RELN: variants seen among roughly 807,000 people sequenced by gnomAD.
The protein encoded by RELN is reelin.
Under a neutral mutation model 427.6 loss-of-function variants are expected in RELN, and 108 were observed. That is an observed-to-expected ratio of 0.25 (90% CI 0.22 to 0.30). RELN has a LOEUF of 0.30. RELN is among the 10% of genes least tolerant of loss of function. The pLI is 1.00. For missense variants in RELN, 3,715 were observed against 4,302.8 expected, an observed-to-expected ratio of 0.86 and a Z score of 3.82; for synonymous variants, 1,524 against 1,513.4, an observed-to-expected ratio of 1.01 and a Z score of -0.16.
chr7:103,853,008 A>C (rs2116469067), intron 2 of RELN, among the ~76,000 whole-genome samples: 1 of 152,142 alleles, frequency 6.6e-6, no homozygotes, highest in Non-Finnish European at 1.5e-5. Flanking sequence ...TTTTATTAAA[A>C]TTCACACTCC....
At chr7:103,951,142 A>G (rs909760474) in intron 1 of RELN, among the ~76,000 whole-genome samples, 1 of 152,136 alleles carries the variant, frequency 6.6e-6, no homozygotes, top group African/African-American at 2.4e-5. Context: ...TGTTTTTTAA[A>G]TGAGTGGGTC....
intron 12 of RELN, among the ~76,000 whole-genome samples, chr7:103,655,337 G>A (rs1833002751): frequency 6.6e-6 from 1 of 151,900 alleles, no homozygotes; most frequent in South Asian, 2.1e-4. Context: ...TTTTATTACT[G>A]TCTTTCTAAA....
intron 28 of RELN, among the ~76,000 whole-genome samples, chr7:103,587,011 T>G (rs2117233146): frequency 6.6e-6 from 1 of 152,284 alleles, no homozygotes; most frequent in Admixed American, 6.5e-5. Flanking sequence ...ATGTCATTTT[T>G]CACAGAATTG....
At chr7:103,636,649 C>T (rs1282182091) in intron 17 of RELN, among the ~76,000 whole-genome samples, 181 bp from the exon 18 acceptor site, 4 of 152,058 alleles carry the variant, frequency 2.6e-5, no homozygotes, top group Admixed American at 2.6e-4. Context: ...TGTAAATATT[C>T]CAGACAAATA....
intron 1 of RELN, among the ~76,000 whole-genome samples, chr7:103,944,781 G>T (rs1237902624): frequency 6.6e-6 from 1 of 152,114 alleles, no homozygotes; most frequent in Non-Finnish European, 1.5e-5. Flanking sequence ...TTTGCAGACT[G>T]GGATGTAAGT....
At position 103,962,646 on chromosome 7, in the gene RELN, T is replaced by TTGTTGTTGTGTG. The variant is rs1187382987; in HGVS notation, c.226+26484_226+26485insCACACAACAACA. 8.7e-5 allele frequency among the ~76,000 whole-genome samples: 13 copies of TTGTTGTTGTGTG among 149,922 alleles called. No homozygotes were observed. In the East Asian group the frequency reaches 2.4e-3, roughly 27 times the overall value. On this transcript the variant is annotated intron_variant, in intron 1 of 64. Transcript: ENST00000428762. ...TGTTGGATTTTCCATTCCAAAGTTG[T>TTGTTGTTGTGTG]TGTGTGTGTGTGTGTGTGTGTGTGT...
chr7:103,976,654 C>T (rs1348797210), intron 1 of RELN, among the ~76,000 whole-genome samples: 1 of 152,152 alleles, frequency 6.6e-6, no homozygotes, highest in African/African-American at 2.4e-5. Context: ...GCTCCAGTAG[C>T]CATCCAAGTG....
At chr7:103,694,990 T>A (rs1475325168) in intron 10 of RELN, among the ~76,000 whole-genome samples, 2 of 151,948 alleles carry the variant, frequency 1.3e-5, no homozygotes, top group East Asian at 1.9e-4. Context: ...AATGAGTAGG[T>A]TGAACAAAAA....
chr7:103,902,135 A>T (rs896957251), intron 2 of RELN, among the ~76,000 whole-genome samples: 1 of 152,036 alleles, frequency 6.6e-6, no homozygotes, highest in African/African-American at 2.4e-5. Flanking sequence ...AGAAAGAAAC[A>T]GAGAGGCTAG....
Position 103,761,151 on chromosome 7 carries a change from T to C in RELN, c.545-7937A>G, listed in dbSNP as rs199790177. On this transcript the variant is annotated intron_variant, in intron 4 of 64. Transcript: ENST00000428762. The stretch of plus-strand genomic sequence containing the variant: ...CAACTTGATTTATGTCTCAAAACAA[T>C]TTATCATCTTTCATATTCTAATATA... Among the ~76,000 whole-genome samples, 5 of 152,338 alleles carry C rather than the reference T, an allele frequency of 3.3e-5. No homozygotes were observed. In the East Asian group the frequency reaches 9.6e-4, roughly 29 times the overall value.
chr7:103,755,230 C>T (rs913529200), intron 4 of RELN, among the ~76,000 whole-genome samples: 2 of 151,312 alleles, frequency 1.3e-5, no homozygotes, highest in African/African-American at 4.9e-5. Flanking sequence ...CTGAGGTGGG[C>T]GGATCACGAG....
In RELN at chr7:103,968,657, C is replaced by A. The variant is rs1157489696; in HGVS notation, c.226+20474G>T. Reference sequence around the variant, plus strand: ...TCTTTTCACTAAGCTATTTCTGCAACTTATTTGCAACTAAAGAAAAGAGGC... The same window carrying A: ...TCTTTTCACTAAGCTATTTCTGCAAATTATTTGCAACTAAAGAAAAGAGGC... On this transcript the variant is annotated intron_variant, in intron 1 of 64. Coordinates refer to ENST00000428762, the MANE Select transcript of RELN (RefSeq NM_005045.4). The surrounding 1 kb of genome is among the most constrained non-coding windows in gnomAD (Gnocchi z 4.3). Among the ~76,000 whole-genome samples the A allele has an allele frequency of 6.6e-5, 10 of 151,904 alleles. No homozygotes were observed. The highest frequency in any genetic ancestry group is 8.8e-5 in the Non-Finnish European group (6 of 68,012).
At chr7:103,515,489 T>C in intron 49 of RELN, 48 bp from the exon 50 acceptor site, 3 of 1,577,610 alleles carry the variant, frequency 1.9e-6, no homozygotes, top group Non-Finnish European at 2.6e-6. Context: ...CCTTGTCAAA[T>C]ATCTTCTCTG....
At chr7:103,756,399 A>C (rs895576082) in intron 4 of RELN, among the ~76,000 whole-genome samples, 1 of 152,180 alleles carries the variant, frequency 6.6e-6, no homozygotes, top group Non-Finnish European at 1.5e-5. Context: ...TCCACTGCTT[A>C]TTTTTATAGC....
At chr7:103,825,531 T>A (rs190276737) in intron 3 of RELN, among the ~76,000 whole-genome samples, 1 of 152,186 alleles carries the variant, frequency 6.6e-6, no homozygotes, top group Non-Finnish European at 1.5e-5. Context: ...CAAGTTCACA[T>A]AACAATGGCA....
chr7:103,732,942 G>C (rs1790391930), intron 6 of RELN, among the ~76,000 whole-genome samples: 2 of 152,010 alleles, frequency 1.3e-5, no homozygotes, highest in Non-Finnish European at 2.9e-5. Flanking sequence ...TGTCAATTTT[G>C]TCTTTTGTTG....
chr7:103,723,204 G>A lies in RELN; in HGVS notation c.754-13C>T. On this transcript the variant is annotated splice_polypyrimidine_tract_variant and intron_variant, in intron 7 of 64. Coordinates refer to ENST00000428762, the MANE Select transcript of RELN (RefSeq NM_005045.4). ...GGCCTGTGGTAATCTAAAGAAAAAA[G>A]AATACATAAAAATAAGACAAGACAG... 1 of 1,526,712 alleles carries A rather than the reference G, an allele frequency of 6.6e-7. No homozygotes were observed. The highest frequency in any genetic ancestry group is 9.1e-7 in the Non-Finnish European group (1 of 1,101,328). 94.6% of individuals were successfully genotyped at this position (1,526,712 alleles called of 1,614,324 possible).
rs756436 is a variant in RELN, at chr7:103,921,997, C to T, written c.227-4812G>A. ...CAGAGCTCATTCACAGACTACTTTC[C>T]CCAGAGTTTGGCTCAAGGGAGAAGC... On this transcript the variant is annotated intron_variant, in intron 1 of 64. Transcript: ENST00000428762. Among the ~76,000 whole-genome samples the T allele has an allele frequency of 2.9e-3, 438 of 152,208 alleles. 2 individuals are homozygous for T. Among genetic ancestry groups the T allele is most frequent in the African/African-American group, 1.0e-2 (414 of 41,516 alleles).
rs116143725 is a variant in RELN at position 103,708,422 on chromosome 7, A to T, written c.806-7416T>A. Among the ~76,000 whole-genome samples, 1,342 of 150,456 alleles carry T rather than the reference A, an allele frequency of 8.9e-3. 22 individuals are homozygous for T. The highest frequency in any genetic ancestry group is 0.031 in the African/African-American group (1,265 of 40,490). On this transcript the variant is annotated intron_variant, in intron 8 of 64. Transcript: ENST00000428762. ...AACATCATTTAATACTGACATTTAC[A>T]TAAGGGCTGTTGTGGTCACCCAAAC...
Sources: gnomAD v4.1 joint callset for allele counts (sites outside exome capture counted in the v4.1 genomes callset) on GRCh38, gnomAD v4.1.1 for gene constraint, Gnocchi (gnomAD v3.1) non-coding constraint, MANE v1.5 for transcripts, NCBI Gene and HGNC (gene_info 2026-07-23, HGNC 2026-07-21) for gene names.